Variants in RBMS1 observed in about 807,000 individuals in gnomAD.
RBMS1 encodes RNA-binding motif, single-stranded-interacting protein 1.
Under a neutral mutation model 62.3 loss-of-function variants are expected in RBMS1, and 17 were observed. The observed-to-expected ratio is 0.27, with a 90% CI of 0.19 to 0.41. RBMS1 has a LOEUF of 0.41. RBMS1 is among the 10% of genes least tolerant of loss of function. The pLI is 1.00. For missense variants in RBMS1, 334 were observed against 504.5 expected (o/e 0.66, Z 3.24); for synonymous variants, 172 against 170.0 (o/e 1.01, Z -0.09).
chr2:160,295,356 C>T (rs1688882344), intron 6 of RBMS1, among the ~76,000 whole-genome samples: 1 of 152,216 alleles, frequency 6.6e-6, no homozygotes, highest in African/African-American at 2.4e-5. Context: ...GAAAACATAG[C>T]TCCTGCCCCC....
At chr2:160,432,093 T>C (rs780169653) in intron 1 of RBMS1, among the ~76,000 whole-genome samples, 3 of 152,176 alleles carry the variant, frequency 2.0e-5, no homozygotes, top group Non-Finnish European at 4.4e-5. Flanking sequence ...ATTTAAAGAA[T>C]TTAAAAATGT....
chr2:160,282,465 ATG>A (rs1688153854), intron 9 of RBMS1: 1 of 473,028 alleles, frequency 2.1e-6, no homozygotes, highest in Non-Finnish European at 4.1e-6. Flanking sequence ...CCACTCCAAC[ATG>A]AGTGCAGGGC....
chr2:160,450,568 A>G (rs1467915187), intron 1 of RBMS1, among the ~76,000 whole-genome samples: 1 of 149,704 alleles, frequency 6.7e-6, no homozygotes, highest in African/African-American at 2.4e-5. Context: ...AAAAATGAAA[A>G]AAAAAAAAAA....
At chr2:160,465,172 T>C (rs1302041053) in intron 1 of RBMS1, among the ~76,000 whole-genome samples, 1 of 152,216 alleles carries the variant, frequency 6.6e-6, no homozygotes, top group East Asian at 1.9e-4. Context: ...CTGTCACCAT[T>C]AATGACAAAA....
chr2:160,434,341 C>T (rs533879286), intron 1 of RBMS1, among the ~76,000 whole-genome samples: 1 of 152,294 alleles, frequency 6.6e-6, no homozygotes, highest in African/African-American at 2.4e-5. Context: ...CAAAATCTTA[C>T]TCTAGCCAAT....
chr2:160,379,860 G>A (rs1195088174), intron 1 of RBMS1, among the ~76,000 whole-genome samples: 1 of 152,008 alleles, frequency 6.6e-6, no homozygotes, highest in Non-Finnish European at 1.5e-5. Context: ...AAAGAACCTC[G>A]GACAACATAA....
chr2:160,341,490 T>C (rs1391230355), intron 2 of RBMS1, among the ~76,000 whole-genome samples: 1 of 152,110 alleles, frequency 6.6e-6, no homozygotes, highest in Non-Finnish European at 1.5e-5. Context: ...AAAGTCTCCC[T>C]CTTGGTAGCC....
intron 1 of RBMS1, among the ~76,000 whole-genome samples, chr2:160,466,136 A>G (rs1684681869): frequency 6.6e-6 from 1 of 152,172 alleles, no homozygotes; most frequent in African/African-American, 2.4e-5. Flanking sequence ...ACCTATAAAA[A>G]CCAAAGCTCC....
At chr2:160,476,687 T>C (rs1249682253) in intron 1 of RBMS1, among the ~76,000 whole-genome samples, 1 of 150,180 alleles carries the variant, frequency 6.7e-6, no homozygotes, top group Non-Finnish European at 1.5e-5. Context: ...CCCAAGTAGC[T>C]GGGACTACAG....
intron 2 of RBMS1, among the ~76,000 whole-genome samples, chr2:160,337,377 G>GC (rs1350173056): frequency 6.6e-6 from 1 of 151,832 alleles, no homozygotes; most frequent in East Asian, 1.9e-4. Context: ...CAAGTGATCC[G>GC]CCCCACTCAG....
chr2:160,398,116 G>A (rs893970668), intron 1 of RBMS1, among the ~76,000 whole-genome samples: 1 of 152,138 alleles, frequency 6.6e-6, no homozygotes, highest in South Asian at 2.1e-4. Flanking sequence ...GATGGCAAGT[G>A]GGAAGAATAA....
intron 10 of RBMS1, among the ~76,000 whole-genome samples, chr2:160,280,951 C>T (rs1335836671): frequency 2.0e-5 from 3 of 152,024 alleles, no homozygotes; most frequent in Non-Finnish European, 4.4e-5. Context: ...ATCTTCATCT[C>T]GGTTTTGAAC....
rs909661599 is a variant in RBMS1 at position 160,313,022 on chromosome 2, A to G, written c.402+134T>C. ...GTGACTGTGGAGGCTGCGGAGGCAC[A>G]GGACAAGTGTCCAGAAGGCGCTGTG... On this transcript the variant is annotated intron_variant, in intron 4 of 13. Transcript: ENST00000348849. 5.4e-5 allele frequency: 38 copies of G among 698,960 alleles called. No individual in the cohort carries two copies. The African/African-American group carries it at 6.3e-4, about 12-fold the overall frequency. 43.3% of individuals were successfully genotyped at this position (698,960 alleles called of 1,614,324 possible).
rs949522007 is a variant in RBMS1 at position 160,432,119 on chromosome 2, C to T, written c.75+61170G>A. Among the ~76,000 whole-genome samples, 8 of 152,148 alleles carry T rather than the reference C, an allele frequency of 5.3e-5. No individual in the cohort carries two copies. The South Asian group carries it at 1.4e-3, about 28-fold the overall frequency. ...TTAAAAATGTATGTCTACATATAAA[C>T]TTGCATATGTTACATTATATTATAT... On this transcript the variant is annotated intron_variant, in intron 1 of 13. Coordinates refer to ENST00000348849, the MANE Select transcript of RBMS1 (RefSeq NM_016836.4).
At chr2:160,332,610 C>T (rs934501782) in intron 2 of RBMS1, among the ~76,000 whole-genome samples, 2 of 152,148 alleles carry the variant, frequency 1.3e-5, no homozygotes, top group South Asian at 4.1e-4. Flanking sequence ...GCTTCCTCTC[C>T]CGCTTTGTTC....
At chr2:160,464,962 A>G (rs1684625328) in intron 1 of RBMS1, among the ~76,000 whole-genome samples, 1 of 152,250 alleles carries the variant, frequency 6.6e-6, no homozygotes, top group Admixed American at 6.5e-5. Flanking sequence ...ACAGAATAGT[A>G]TGCTACTGTA....
At chr2:160,334,349 C>G (rs1691449833) in intron 2 of RBMS1, among the ~76,000 whole-genome samples, 1 of 152,168 alleles carries the variant, frequency 6.6e-6, no homozygotes, top group South Asian at 2.1e-4. Context: ...ATGACAAGTA[C>G]TTGACTTCTA....
At chr2:160,281,280 G>A in intron 10 of RBMS1, 34 bp downstream of exon 10, 3 of 1,549,934 alleles carry the variant, frequency 1.9e-6, no homozygotes, top group Non-Finnish European at 1.8e-6. Flanking sequence ...TAACTTACTT[G>A]TAAAACACAA....
intron 2 of RBMS1, among the ~76,000 whole-genome samples, chr2:160,344,676 CCTA>C (rs1692077186): frequency 1.3e-5 from 2 of 152,060 alleles, no homozygotes; most frequent in Admixed American, 6.6e-5. Context: ...TTACTGAGTG[CCTA>C]CTAAGTGTTA....
Sources: allele counts gnomAD v4.1 joint callset (sites outside exome capture counted in the v4.1 genomes callset), GRCh38; gene constraint gnomAD v4.1.1; transcripts MANE v1.5; gene names NCBI Gene and HGNC (gene_info 2026-07-23, HGNC 2026-07-21).